GALNT10: variants seen among roughly 807,000 people sequenced by gnomAD.
GALNT10 encodes the protein polypeptide N-acetylgalactosaminyltransferase 10, also known as GalNAc transferase 10.
Under a neutral mutation model 75.0 loss-of-function variants are expected in GALNT10, and 41 were observed. The observed-to-expected ratio is 0.55, with a 90% CI of 0.43 to 0.71. The LOEUF (loss-of-function observed/expected upper bound fraction) is 0.71, where lower values mean the gene tolerates loss of function less well. GALNT10 is among the 30% of genes least tolerant of loss of function. The pLI is 0.00. For synonymous variants in GALNT10, 302 were observed against 313.0 expected (o/e 0.96, Z 0.37); for missense variants, 727 against 818.5 (o/e 0.89, Z 1.36).
chr5:154,393,075 A>AAAAAAAAAAAAAC (rs1432597513), intron 7 of GALNT10: 1 of 150,856 alleles, frequency 6.6e-6, no homozygotes, highest in African/African-American at 2.4e-5. Flanking sequence ...AAAAAAAAAA[A>AAAAAAAAAAAAAC]AAACCCATTT....
At chr5:154,301,364 TC>T (rs1342636240) in intron 3 of GALNT10, among the ~76,000 whole-genome samples, 1 of 152,082 alleles carries the variant, frequency 6.6e-6, no homozygotes, top group Non-Finnish European at 1.5e-5. Context: ...CTACCACTGA[TC>T]TTTTTTTTTC....
At chr5:154,371,656 C>G (rs1373862505) in intron 4 of GALNT10, among the ~76,000 whole-genome samples, 1 of 151,594 alleles carries the variant, frequency 6.6e-6, no homozygotes, top group Non-Finnish European at 1.5e-5. Context: ...TGGCCTCACT[C>G]AGACCTCACC....
At chr5:154,196,816 G>T (rs568326685) in intron 1 of GALNT10, among the ~76,000 whole-genome samples, 1 of 152,192 alleles carries the variant, frequency 6.6e-6, no homozygotes, top group African/African-American at 2.4e-5. Context: ...CTAGAGCTAG[G>T]AGTGGAGTCA....
chr5:154,410,862 A>T (rs1366995546), intron 9 of GALNT10, among the ~76,000 whole-genome samples: 1 of 152,218 alleles, frequency 6.6e-6, no homozygotes. Flanking sequence ...GATTTCACTT[A>T]CAAAACAGTT....
chr5:154,392,061 T>TG (rs1755906239), intron 7 of GALNT10: 1 of 152,304 alleles, frequency 6.6e-6, no homozygotes, highest in South Asian at 2.1e-4. Context: ...AGAATGGATG[T>TG]GGGGCAGAGC....
intron 3 of GALNT10, among the ~76,000 whole-genome samples, chr5:154,315,344 C>T (rs1754580839): frequency 6.6e-6 from 1 of 152,178 alleles, no homozygotes; most frequent in Non-Finnish European, 1.5e-5. Flanking sequence ...AGCCAAGCCC[C>T]GCAGGGGAAG....
At chr5:154,306,607 A>T (rs1157024041) in intron 3 of GALNT10, among the ~76,000 whole-genome samples, 2 of 152,162 alleles carry the variant, frequency 1.3e-5, no homozygotes, top group Non-Finnish European at 2.9e-5. Flanking sequence ...ATCAACTTCC[A>T]CTTTCAGAAA....
intron 5 of GALNT10, among the ~76,000 whole-genome samples, chr5:154,377,035 G>A (rs140956339): frequency 4.6e-5 from 7 of 152,264 alleles, no homozygotes; most frequent in African/African-American, 7.2e-5. Flanking sequence ...ATTCTCCTTC[G>A]CAGTTCTACA....
At chr5:154,350,981 C>G (rs1333861186) in intron 4 of GALNT10, among the ~76,000 whole-genome samples, 1 of 152,192 alleles carries the variant, frequency 6.6e-6, no homozygotes, top group Non-Finnish European at 1.5e-5. Flanking sequence ...TGAGAACTTG[C>G]ATTTCTAACA....
intron 1 of GALNT10, among the ~76,000 whole-genome samples, chr5:154,257,673 A>T (rs1448679356): frequency 0.013 from 7 of 540 alleles, no homozygotes; most frequent in African/African-American, 0.047. Flanking sequence ...CTCCGTTTTA[A>T]AAAAAAAAAA....
At chr5:154,237,307 A>G (rs540715439) in intron 1 of GALNT10, among the ~76,000 whole-genome samples, 33 of 152,280 alleles carry the variant, frequency 2.2e-4, no homozygotes, top group African/African-American at 7.7e-4. Flanking sequence ...GAGGTGCTTG[A>G]CTGTGAAATT....
At chr5:154,252,669 T>C (rs192323148) in intron 1 of GALNT10, among the ~76,000 whole-genome samples, 16 of 152,178 alleles carry the variant, frequency 1.1e-4, no homozygotes, top group African/African-American at 3.6e-4. Flanking sequence ...TTAGTGTTGG[T>C]TGTCCTGAGC....
rs192423963 is a variant in GALNT10, at chr5:154,394,649, A to G, written c.1056+8219A>G. Among the ~76,000 whole-genome samples, 1,033 of 152,316 alleles carry G rather than the reference A, an allele frequency of 6.8e-3. 9 individuals are homozygous for G. The highest frequency in any genetic ancestry group is 8.4e-3 in the Non-Finnish European group (572 of 68,030). On this transcript the variant is annotated intron_variant, in intron 7 of 11. Transcript: ENST00000297107. The stretch of plus-strand genomic sequence containing the variant: ...GGCCCAGAGGTCAGGACCAGCCCTG[A>G]GAGGGGTTAAGTTGCCACACAGGAG...
rs35928766 is a variant in GALNT10 at position 154,210,385 on chromosome 5, T to TACACACAC, written c.159+19382_159+19389dup. 8.9e-4 allele frequency among the ~76,000 whole-genome samples: 133 copies of TACACACAC among 148,974 alleles called. 1 individual carries two copies. The highest frequency in any genetic ancestry group is 2.1e-3 in the African/African-American group (86 of 40,692). ...GCACTTGCATGCACACACACATGCATACACACACACACACACACACACACA... is the reference window on the plus strand; with the variant it reads ...GCACTTGCATGCACACACACATGCATACACACACACACACACACACACACACACACACA... On this transcript the variant is annotated intron_variant, in intron 1 of 11. Coordinates refer to ENST00000297107, the MANE Select transcript of GALNT10 (RefSeq NM_198321.4).
chr5:154,417,178 A>G lies in GALNT10; in HGVS notation c.*206A>G. 1 of 572,200 alleles carries G rather than the reference A, an allele frequency of 1.7e-6. No homozygotes were observed. The highest frequency in any genetic ancestry group is 2.2e-5 in the South Asian group (1 of 46,442). The allele number at this position is 572,200 out of a possible 1,614,324, so 35.4% of individuals were successfully genotyped here. On this transcript the variant is annotated 3_prime_UTR_variant, in exon 12 of 12. Transcript: ENST00000297107. ...GGGGGTAGGGTGAAGAGCATATCCC[A>G]CAAGAGGCCCCACAGGGAGCAGAGA...
rs1213474136 is a variant in GALNT10 at position 154,352,578 on chromosome 5, C to T, written c.568+22840C>T. On this transcript the variant is annotated intron_variant, in intron 4 of 11. Transcript: ENST00000297107. This position sits in a 1 kb window ranked among gnomAD's most constrained non-coding sequence, Gnocchi z 4.4. ...CTAGTAAACGGAAGCTGGGAGCTTC[C>T]CTGGGCTGGGTGGGCCCCAGGTACC... 3.9e-5 allele frequency among the ~76,000 whole-genome samples: 6 copies of T among 152,274 alleles called. No individual in the cohort carries two copies. In the East Asian group the frequency reaches 1.2e-3, roughly 29 times the overall value.
intron 1 of GALNT10, among the ~76,000 whole-genome samples, chr5:154,231,019 G>A (rs771263780): frequency 6.6e-6 from 1 of 152,218 alleles, no homozygotes; most frequent in South Asian, 2.1e-4. Context: ...AGGACGCCAC[G>A]AACCAGCTTT....
chr5:154,251,010 A>G (rs976704967), intron 1 of GALNT10, among the ~76,000 whole-genome samples: 2 of 152,150 alleles, frequency 1.3e-5, no homozygotes, highest in African/African-American at 4.8e-5. Flanking sequence ...GAGACTTTCT[A>G]TTCTCCCTCT....
chr5:154,277,145 G>A (rs1431234973), intron 1 of GALNT10, among the ~76,000 whole-genome samples: 2 of 151,958 alleles, frequency 1.3e-5, no homozygotes, highest in Non-Finnish European at 2.9e-5. Context: ...TGTATCTCTG[G>A]TCAACTGGGG....
Sources: allele counts gnomAD v4.1 joint callset (sites outside exome capture counted in the v4.1 genomes callset), GRCh38; gene constraint gnomAD v4.1.1; non-coding constraint Gnocchi (gnomAD v3.1); transcripts MANE v1.5; gene names NCBI Gene and HGNC (gene_info 2026-07-23, HGNC 2026-07-21).